Variants in KCNB2 observed in about 807,000 individuals in gnomAD.
KCNB2 encodes the protein potassium voltage-gated channel subfamily B member 2, also known as delayed rectifier potassium channel protein.
In KCNB2, 15 loss-of-function variants were observed where a neutral mutation model predicts 61.5. The observed-to-expected ratio is 0.24, with a 90% CI of 0.16 to 0.38. The LOEUF (loss-of-function observed/expected upper bound fraction) is 0.38, where lower values mean the gene tolerates loss of function less well. Ranked by LOEUF, KCNB2 falls within the 10% of genes least tolerant of loss-of-function variation. The pLI, the probability that KCNB2 is intolerant of heterozygous loss-of-function variation, is 1.00. For synonymous variants in KCNB2, 457 were observed against 446.0 expected (o/e 1.02, Z -0.31); for missense variants, 828 against 1,125.2 (o/e 0.74, Z 3.78).
intron 2 of KCNB2, among the ~76,000 whole-genome samples, chr8:72,660,416 T>C: frequency 6.6e-6 from 1 of 152,210 alleles, no homozygotes; most frequent in East Asian, 1.9e-4. Flanking sequence ...CCTGACTTCC[T>C]GTGCCATCAC....
intron 2 of KCNB2, among the ~76,000 whole-genome samples, chr8:72,847,941 C>T (rs1810026614): frequency 6.6e-6 from 1 of 152,134 alleles, no homozygotes; most frequent in Non-Finnish European, 1.5e-5. Flanking sequence ...ACAGAAATCT[C>T]TGTGGGAAGT....
chr8:72,676,152 G>T (rs1405495186), intron 2 of KCNB2, among the ~76,000 whole-genome samples: 3 of 152,034 alleles, frequency 2.0e-5, no homozygotes, highest in African/African-American at 4.8e-5. Flanking sequence ...CAAATTTAGA[G>T]GTGCAAATTT....
intron 2 of KCNB2, among the ~76,000 whole-genome samples, chr8:72,614,291 A>G (rs564369234): frequency 1.3e-5 from 2 of 152,182 alleles, no homozygotes; most frequent in African/African-American, 2.4e-5. Flanking sequence ...AAAGATATCT[A>G]TGATGTCTTT....
intron 1 of KCNB2, among the ~76,000 whole-genome samples, chr8:72,539,178 T>C (rs1806156777): frequency 6.6e-6 from 1 of 152,210 alleles, no homozygotes; most frequent in African/African-American, 2.4e-5. Flanking sequence ...TCTTTGTTCT[T>C]AAATTAACTC....
At chr8:72,566,916 C>T (rs1425014152) in intron 1 of KCNB2, among the ~76,000 whole-genome samples, 1 of 151,734 alleles carries the variant, frequency 6.6e-6, no homozygotes, top group Admixed American at 6.6e-5. Context: ...TGAGGGTGAC[C>T]GGGTATGGGG....
At chr8:72,826,888 G>A (rs1367528316) in intron 2 of KCNB2, among the ~76,000 whole-genome samples, 2 of 152,170 alleles carry the variant, frequency 1.3e-5, no homozygotes, top group Non-Finnish European at 2.9e-5. Flanking sequence ...ATGGCTAAAT[G>A]TAAGCAGCAG....
chr8:72,815,586 T>G (rs752341310), intron 2 of KCNB2, among the ~76,000 whole-genome samples: 3 of 152,316 alleles, frequency 2.0e-5, no homozygotes, highest in Non-Finnish European at 4.4e-5. Flanking sequence ...AATAAATGAA[T>G]GAATGAACAA....
chr8:72,789,171 G>T (rs1223783034), intron 2 of KCNB2, among the ~76,000 whole-genome samples: 1 of 152,114 alleles, frequency 6.6e-6, no homozygotes, highest in Non-Finnish European at 1.5e-5. Context: ...ATCACTTGTT[G>T]GGTGCTCACT....
intron 2 of KCNB2, among the ~76,000 whole-genome samples, chr8:72,710,129 A>G (rs1807302358): frequency 6.6e-6 from 1 of 152,148 alleles, no homozygotes; most frequent in South Asian, 2.1e-4. Context: ...TCTCAGGACC[A>G]TGTTAGCTGG....
chr8:72,588,296 G>A lies in KCNB2; in HGVS notation c.579+19983G>A, dbSNP rs374771407. 3.4e-4 allele frequency among the ~76,000 whole-genome samples: 49 copies of A among 145,608 alleles called. No individual in the cohort carries two copies. The East Asian group carries it at 7.5e-3, about 22-fold the overall frequency. On this transcript the variant is annotated intron_variant, in intron 2 of 2. Coordinates refer to ENST00000523207, the MANE Select transcript of KCNB2 (RefSeq NM_004770.3). Reference sequence around the variant, plus strand: ...TGCAATGGCGTGATCTTGGCTCACCGCATCCTCCCCATCCCAGGTTCAAAT... The same window carrying A: ...TGCAATGGCGTGATCTTGGCTCACCACATCCTCCCCATCCCAGGTTCAAAT...
intron 2 of KCNB2, among the ~76,000 whole-genome samples, chr8:72,776,186 G>A (rs1050309454): frequency 4.7e-5 from 7 of 147,782 alleles, no homozygotes; most frequent in Non-Finnish European, 1.0e-4. Flanking sequence ...TCACTCATAG[G>A]TGGGAATTGA....
At chr8:72,921,288 T>A (rs1202073483) in intron 2 of KCNB2, among the ~76,000 whole-genome samples, 1 of 152,160 alleles carries the variant, frequency 6.6e-6, no homozygotes, top group Non-Finnish European at 1.5e-5. Context: ...TCTATTCTAC[T>A]TTTTTTAAAA....
intron 2 of KCNB2, among the ~76,000 whole-genome samples, chr8:72,700,760 T>G (rs1005121389): frequency 1.3e-5 from 2 of 152,112 alleles, no homozygotes; most frequent in African/African-American, 4.8e-5. Context: ...AAAAAAATCA[T>G]TCTACCAAGA....
Position 72,568,181 on chromosome 8 carries a change from C to G in KCNB2, c.447C>G (p.Asn149Lys). ...ARYHQKKEQM[N>K]EELRREAETM... ...ATCATCAAAAAAAAGAACAAATGAA[C>G]GAAGAACTGAGGCGAGAGGCAGAGA... Residue 149 changes from asparagine (N) to lysine (K), a missense_variant, in exon 2 of 3, where the codon AAC becomes AAG. By Grantham distance (94) the Asn-to-Lys change is moderately conservative. Around this residue, in one of 4 missense-constraint regions of KCNB2, gnomAD observed 163 missense variants for 314.4 expected, o/e 0.52. Coordinates refer to ENST00000523207, the MANE Select transcript of KCNB2 (RefSeq NM_004770.3). The G allele has an allele frequency of 6.2e-7, 1 of 1,613,948 alleles. No homozygotes were observed. The highest frequency in any genetic ancestry group is 8.5e-7 in the Non-Finnish European group (1 of 1,179,994).
intron 2 of KCNB2, among the ~76,000 whole-genome samples, chr8:72,599,964 G>A (rs1807266720): frequency 6.6e-6 from 1 of 152,204 alleles, no homozygotes; most frequent in Non-Finnish European, 1.5e-5. Flanking sequence ...AGAGGATGTG[G>A]AGAAATAGGA....
chr8:72,841,871 G>A (rs1233658980), intron 2 of KCNB2, among the ~76,000 whole-genome samples: 1 of 152,160 alleles, frequency 6.6e-6, no homozygotes, highest in Admixed American at 6.5e-5. Context: ...CATGTCATCT[G>A]CAAACAGAGA....
intron 2 of KCNB2, among the ~76,000 whole-genome samples, chr8:72,781,588 G>A (rs1314854688): frequency 1.3e-5 from 2 of 152,160 alleles, no homozygotes; most frequent in African/African-American, 2.4e-5. Flanking sequence ...TTTTGTACCA[G>A]TACCATGCTG....
chr8:72,818,986 T>C (rs1809448725), intron 2 of KCNB2, among the ~76,000 whole-genome samples: 1 of 152,178 alleles, frequency 6.6e-6, no homozygotes, highest in Non-Finnish European at 1.5e-5. Context: ...AGATTCACCA[T>C]TATTTATTTG....
intron 2 of KCNB2, among the ~76,000 whole-genome samples, chr8:72,723,130 G>C (rs1807578834): frequency 6.6e-6 from 1 of 152,134 alleles, no homozygotes; most frequent in African/African-American, 2.4e-5. Flanking sequence ...TGGAATTTTT[G>C]CTTTTTATAC....
Sources: gnomAD v4.1 joint callset for allele counts (sites outside exome capture counted in the v4.1 genomes callset) on GRCh38, gnomAD v4.1.1 for gene constraint, gnomAD v4.1.1 regional missense constraint, MANE v1.5 for transcripts, NCBI Gene and HGNC (gene_info 2026-07-23, HGNC 2026-07-21) for gene names.